The following PTPRD variants were observed in gnomAD, a reference collection of about 807,000 sequenced individuals.
PTPRD encodes the protein receptor-type tyrosine-protein phosphatase delta.
In PTPRD, 34 loss-of-function variants were observed where a neutral mutation model predicts 214.5. The observed-to-expected ratio is 0.16, with a 90% confidence interval of 0.12 to 0.21. The LOEUF is 0.21. PTPRD is among the 10% of genes least tolerant of loss of function. PTPRD has a pLI of 1.00. For missense variants in PTPRD, 2,545 were observed against 2,398.7 expected (o/e 1.06, Z -1.27); for synonymous variants, 1,128 against 845.7 (o/e 1.33, Z -5.79).
intron 7 of PTPRD, among the ~76,000 whole-genome samples, chr9:9,705,530 C>T (rs1171621926): frequency 1.3e-5 from 2 of 152,050 alleles, no homozygotes; most frequent in East Asian, 1.9e-4. Context: ...AAAATAGAAA[C>T]TGTACTCTCA....
intron 8 of PTPRD, among the ~76,000 whole-genome samples, chr9:9,411,973 C>A (rs1587669696): frequency 1.3e-5 from 2 of 152,282 alleles, no homozygotes; most frequent in South Asian, 4.1e-4. Context: ...AGGAAAAGGT[C>A]AGTGAAGGAT....
intron 5 of PTPRD, among the ~76,000 whole-genome samples, chr9:9,857,166 T>A (rs7851330): frequency 6.6e-6 from 1 of 152,086 alleles, no homozygotes; most frequent in African/African-American, 2.4e-5. Flanking sequence ...TGATTGTTTA[T>A]GTCACAATTT....
At chr9:10,148,560 GA>G in intron 3 of PTPRD, among the ~76,000 whole-genome samples, 1 of 152,266 alleles carries the variant, frequency 6.6e-6, no homozygotes, top group Non-Finnish European at 1.5e-5. Context: ...ATGGAATACT[GA>G]TTCAAGGAAG....
chr9:9,594,778 C>T (rs568003725), intron 7 of PTPRD, among the ~76,000 whole-genome samples: 21 of 152,136 alleles, frequency 1.4e-4, no homozygotes, highest in South Asian at 8.3e-4. Flanking sequence ...AAGGAATAGT[C>T]AGCAGAGTAA....
rs1033678670 is a variant in PTPRD at position 9,018,717 on chromosome 9, G to T, written c.-124C>A. The T allele has an allele frequency of 4.6e-5, 7 of 152,096 alleles. No homozygotes were observed. The highest frequency in any genetic ancestry group is 1.7e-4 in the African/African-American group (7 of 41,408). 9.4% of individuals were successfully genotyped at this position (152,096 alleles called of 1,614,324 possible). On this transcript the variant is annotated 5_prime_UTR_variant, in exon 11 of 46. Transcript: ENST00000381196. Reference sequence around the variant, plus strand: ...CTTACTTGTTCTTTAGATCCCACGGGTGTTCACCAGACGTCTCCCTAAACA... The same window carrying T: ...CTTACTTGTTCTTTAGATCCCACGGTTGTTCACCAGACGTCTCCCTAAACA...
At chr9:8,402,761 T>A (rs972173185) in intron 36 of PTPRD, among the ~76,000 whole-genome samples, 1 of 152,050 alleles carries the variant, frequency 6.6e-6, no homozygotes, top group African/African-American at 2.4e-5. Context: ...ATCATCCACA[T>A]ATGTTAATTA....
chr9:9,312,262 G>A (rs1959198473), intron 9 of PTPRD, among the ~76,000 whole-genome samples: 2 of 152,124 alleles, frequency 1.3e-5, no homozygotes, highest in African/African-American at 4.8e-5. Context: ...GTAGAATATT[G>A]AAGCATCTGG....
intron 32 of PTPRD, among the ~76,000 whole-genome samples, chr9:8,464,899 G>A (rs1171302846): frequency 6.6e-6 from 1 of 151,736 alleles, no homozygotes; most frequent in African/African-American, 2.4e-5. Context: ...AATTAAAGAG[G>A]CTGCTGTATT....
chr9:9,820,968 G>A (rs1238900241), intron 5 of PTPRD, among the ~76,000 whole-genome samples: 1 of 151,892 alleles, frequency 6.6e-6, no homozygotes, highest in Non-Finnish European at 1.5e-5. Flanking sequence ...CTATTTTTTG[G>A]TTCCATATGA....
intron 3 of PTPRD, among the ~76,000 whole-genome samples, chr9:10,154,210 T>C (rs192928675): frequency 6.6e-6 from 1 of 152,332 alleles, no homozygotes; most frequent in East Asian, 1.9e-4. Flanking sequence ...AATTTGCATT[T>C]CACTAATAAT....
At chr9:9,531,879 A>G (rs994342366) in intron 8 of PTPRD, among the ~76,000 whole-genome samples, 1 of 152,070 alleles carries the variant, frequency 6.6e-6, no homozygotes, top group Non-Finnish European at 1.5e-5. Context: ...ATGAGGTTAC[A>G]GAAGATTGTA....
intron 3 of PTPRD, among the ~76,000 whole-genome samples, chr9:10,243,854 T>C (rs528296437): frequency 5.3e-5 from 8 of 152,120 alleles, no homozygotes; most frequent in African/African-American, 1.7e-4. Context: ...TATTCATATT[T>C]TATGTCCTGG....
chr9:10,353,765 C>G (rs990930844), intron 2 of PTPRD, among the ~76,000 whole-genome samples: 1 of 151,878 alleles, frequency 6.6e-6, no homozygotes, highest in Non-Finnish European at 1.5e-5. Flanking sequence ...TATTCATTAA[C>G]TTTAAACTCA....
At chr9:8,785,100 T>C (rs1050260137) in intron 11 of PTPRD, among the ~76,000 whole-genome samples, 1 of 152,076 alleles carries the variant, frequency 6.6e-6, no homozygotes, top group Non-Finnish European at 1.5e-5. Context: ...AGCTGTTCAA[T>C]AGAAACAACA....
intron 9 of PTPRD, among the ~76,000 whole-genome samples, chr9:9,243,540 C>G (rs189856924): frequency 2.6e-5 from 4 of 152,052 alleles, no homozygotes; most frequent in Non-Finnish European, 4.4e-5. Context: ...AGACAAAAAC[C>G]ACATGATTAT....
chr9:9,668,175 C>T (rs1328305094), intron 7 of PTPRD, among the ~76,000 whole-genome samples: 1 of 152,108 alleles, frequency 6.6e-6, no homozygotes, highest in Non-Finnish European at 1.5e-5. Context: ...GGAAGAAACT[C>T]TTATAACAAT....
intron 11 of PTPRD, among the ~76,000 whole-genome samples, chr9:8,805,976 C>A (rs568810053): frequency 7.9e-6 from 1 of 126,920 alleles, no homozygotes; most frequent in Non-Finnish European, 1.6e-5. Context: ...GCCTGGGCTA[C>A]AGAACGAGAC....
chr9:9,067,628 T>C (rs1291643214), intron 10 of PTPRD, among the ~76,000 whole-genome samples: 1 of 152,202 alleles, frequency 6.6e-6, no homozygotes, highest in East Asian at 1.9e-4. Flanking sequence ...CTTTTGAATT[T>C]TCAAAATTAA....
intron 7 of PTPRD, among the ~76,000 whole-genome samples, chr9:9,704,257 CT>C (rs903704693): frequency 9.3e-5 from 14 of 150,724 alleles, no homozygotes; most frequent in East Asian, 3.9e-4. Context: ...CTTCTTTTTT[CT>C]TTTTTTTTGT....
Sources: gnomAD v4.1 joint callset for allele counts (sites outside exome capture counted in the v4.1 genomes callset) on GRCh38, gnomAD v4.1.1 for gene constraint, MANE v1.5 for transcripts, NCBI Gene and HGNC (gene_info 2026-07-23, HGNC 2026-07-21) for gene names.